KATNIP: variants seen among roughly 807,000 people sequenced by gnomAD.
The protein encoded by KATNIP is katanin interacting protein.
In KATNIP, 126 loss-of-function variants were observed where a neutral mutation model predicts 174.0. The ratio of observed to expected loss-of-function variants is 0.72; its 90% confidence interval spans 0.63 to 0.84. The LOEUF is 0.84. Among genes scored for constraint, KATNIP ranks in the 40% least tolerant of loss-of-function variants. KATNIP has a pLI of 0.00. For synonymous variants in KATNIP, 810 were observed against 835.7 expected (o/e 0.97, Z 0.53); for missense variants, 1,958 against 2,109.7 (o/e 0.93, Z 1.41).
At chr16:27,709,490 C>T (rs2079477639) in intron 13 of KATNIP, among the ~76,000 whole-genome samples, 2 of 152,086 alleles carry the variant, frequency 1.3e-5, no homozygotes, top group African/African-American at 4.8e-5. Flanking sequence ...GGCGTGGTGG[C>T]ACATGCCTGT....
chr16:27,761,624 C>T (rs767216306), intron 19 of KATNIP, 34 bp downstream of exon 19: 80 of 1,575,214 alleles, frequency 5.1e-5, no homozygotes, highest in East Asian at 2.0e-4. Context: ...CTTTCATGCC[C>T]ACTGGGTTTT....
chr16:27,602,105 T>A (rs2075546694), intron 2 of KATNIP, among the ~76,000 whole-genome samples: 1 of 152,098 alleles, frequency 6.6e-6, no homozygotes, highest in South Asian at 2.1e-4. Flanking sequence ...GCTTGTCTCT[T>A]CTCAATTATT....
intron 2 of KATNIP, among the ~76,000 whole-genome samples, chr16:27,607,197 C>T (rs1406353882): frequency 2.0e-5 from 3 of 152,034 alleles, no homozygotes; most frequent in Admixed American, 6.6e-5. Flanking sequence ...TGAGAGTGGA[C>T]GAAAGGTGGT....
chr16:27,703,272 C>T (rs1033591621), intron 11 of KATNIP, among the ~76,000 whole-genome samples: 6 of 152,136 alleles, frequency 3.9e-5, no homozygotes, highest in Non-Finnish European at 8.8e-5. Context: ...CTTGGTTCCT[C>T]GGCATCGAGA....
chr16:27,721,672 C>T lies in KATNIP; in HGVS notation c.1720C>T (p.Arg574Trp), dbSNP rs147973877. 6.8e-5 allele frequency: 109 copies of T among 1,614,114 alleles called. No homozygotes were observed. In the African/African-American group the frequency reaches 1.2e-3, roughly 17 times the overall value. The change falls in exon 14 of 28, where the codon CGG (arginine) becomes TGG (tryptophan). Residue 574 changes from arginine to tryptophan, a missense_variant. Arg to Trp is a moderately radical substitution (Grantham distance 101, BLOSUM62 -3). Around this residue, in one of 3 missense-constraint regions of KATNIP, gnomAD observed 1,557 missense variants for 1,617.8 expected, o/e 0.96. Transcript: ENST00000261588. ...GDFHLAKIKVRNYWTADGDLD... is the reference protein window; with the variant it reads ...GDFHLAKIKVWNYWTADGDLD... Reference sequence around the variant, plus strand: ...CTTCCATCTGGCCAAGATCAAGGTTCGGAATTACTGGACAGCTGATGGCGT... The same window carrying T: ...CTTCCATCTGGCCAAGATCAAGGTTTGGAATTACTGGACAGCTGATGGCGT...
rs146452943 is a variant in KATNIP at position 27,733,737 on chromosome 16, G to A, written c.1744-6304G>A. On this transcript the variant is annotated intron_variant, in intron 14 of 27. Transcript: ENST00000261588. ...GGGGTTAAAGCCCTGACGACTGGAG[G>A]GGGAGGAAGCAGGCTGGTTCTTGAG... Among the ~76,000 whole-genome samples the A allele has an allele frequency of 9.9e-3, 1,504 of 152,228 alleles. 26 individuals carry two copies. The highest frequency in any genetic ancestry group is 0.035 in the African/African-American group (1,447 of 41,522).
chr16:27,562,591 C>A (rs1033223387), intron 1 of KATNIP, among the ~76,000 whole-genome samples: 2 of 152,192 alleles, frequency 1.3e-5, no homozygotes, highest in Admixed American at 1.3e-4. Context: ...CATACCCATG[C>A]ACGTTTTCAC....
chr16:27,655,889 T>C (rs566803008), intron 6 of KATNIP, among the ~76,000 whole-genome samples: 3 of 152,174 alleles, frequency 2.0e-5, no homozygotes, highest in Admixed American at 6.5e-5. Context: ...CAGTCTGTTG[T>C]GAATATTATT....
chr16:27,732,719 C>T (rs2080741295), intron 14 of KATNIP, among the ~76,000 whole-genome samples: 1 of 152,216 alleles, frequency 6.6e-6, no homozygotes, highest in African/African-American at 2.4e-5. Flanking sequence ...TCCCCCATAG[C>T]CCTCCATATC....
chr16:27,643,302 A>G (rs529526316), intron 5 of KATNIP: 1 of 152,364 alleles, frequency 6.6e-6, no homozygotes, highest in East Asian at 1.9e-4. Context: ...TTGAGAACTA[A>G]ATGAGCGGCC....
At chr16:27,771,764 A>G (rs868034868) in intron 22 of KATNIP, 112 bp downstream of exon 22, 55 of 1,124,002 alleles carry the variant, frequency 4.9e-5, no homozygotes, top group Middle Eastern at 4.5e-4. Flanking sequence ...CTGGAACTCC[A>G]TGCAAGGAAA....
At chr16:27,683,741 C>T (rs1020222175) in intron 8 of KATNIP, among the ~76,000 whole-genome samples, 4 of 152,060 alleles carry the variant, frequency 2.6e-5, no homozygotes, top group African/African-American at 9.7e-5. Flanking sequence ...AGTCTGCTTT[C>T]GGAGCTCCCT....
At chr16:27,748,453 T>C in intron 15 of KATNIP, among the ~76,000 whole-genome samples, 1 of 151,942 alleles carries the variant, frequency 6.6e-6, no homozygotes, top group African/African-American at 2.4e-5. Context: ...TAGCCGAACA[T>C]GTTGGTGCAC....
chr16:27,563,264 A>G (rs991216349), intron 1 of KATNIP, among the ~76,000 whole-genome samples: 4 of 152,180 alleles, frequency 2.6e-5, no homozygotes, highest in African/African-American at 9.7e-5. Flanking sequence ...ATTGCTAAGA[A>G]GGATCCCTCA....
chr16:27,648,494 G>A, intron 5 of KATNIP, 110 bp from the exon 6 acceptor site: 1 of 1,304,300 alleles, frequency 7.7e-7, no homozygotes, highest in Non-Finnish European at 1.1e-6. Context: ...CCACCCCATG[G>A]TATCTATGCC....
intron 6 of KATNIP, among the ~76,000 whole-genome samples, chr16:27,673,655 C>T (rs756344291): frequency 2.6e-5 from 4 of 152,152 alleles, no homozygotes; most frequent in Non-Finnish European, 5.9e-5. Context: ...CAATAGGACA[C>T]CTCTCCCCCA....
chr16:27,732,689 T>G (rs2080739635), intron 14 of KATNIP, among the ~76,000 whole-genome samples: 1 of 152,164 alleles, frequency 6.6e-6, no homozygotes. Flanking sequence ...GTGGCAGCAC[T>G]CTGGGTGACA....
intron 9 of KATNIP, among the ~76,000 whole-genome samples, chr16:27,699,104 C>T (rs2079012058): frequency 6.6e-6 from 1 of 152,160 alleles, no homozygotes; most frequent in African/African-American, 2.4e-5. Context: ...GTCTGTGAGT[C>T]GCCTGTTGAA....
chr16:27,591,367 T>G (rs1351018517), intron 2 of KATNIP, among the ~76,000 whole-genome samples: 3 of 152,146 alleles, frequency 2.0e-5, no homozygotes, highest in Non-Finnish European at 4.4e-5. Flanking sequence ...GTATTTTTAG[T>G]GCAGATGTGG....
Sources: allele counts gnomAD v4.1 joint callset (sites outside exome capture counted in the v4.1 genomes callset), GRCh38; gene constraint gnomAD v4.1.1; regional missense constraint gnomAD v4.1.1; transcripts MANE v1.5; gene names NCBI Gene and HGNC (gene_info 2026-07-23, HGNC 2026-07-21).